Variants in ADAMTS3 observed in about 807,000 individuals in gnomAD.
The protein encoded by ADAMTS3 is A disintegrin and metalloproteinase with thrombospondin motifs 3.
A neutral mutation model predicts 129.0 loss-of-function variants in ADAMTS3; 73 were observed. That is an observed-to-expected ratio of 0.57 (90% CI 0.47 to 0.69). The LOEUF is 0.69. Among genes scored for constraint, ADAMTS3 ranks in the 30% least tolerant of loss-of-function variants. ADAMTS3 has a pLI of 0.00. For synonymous variants in ADAMTS3, 477 were observed against 510.8 expected, an observed-to-expected ratio of 0.93 and a Z score of 0.89; for missense variants, 1,457 against 1,514.5, an observed-to-expected ratio of 0.96 and a Z score of 0.63.
chr4:72,538,069 GAC>G (rs1721225989), intron 3 of ADAMTS3, among the ~76,000 whole-genome samples: 1 of 152,222 alleles, frequency 6.6e-6, no homozygotes, highest in South Asian at 2.1e-4. Context: ...TTGAAGGGAG[GAC>G]CACGGAAATA....
At chr4:72,493,464 A>C (rs1719797159) in intron 3 of ADAMTS3, among the ~76,000 whole-genome samples, 1 of 151,978 alleles carries the variant, frequency 6.6e-6, no homozygotes, top group Admixed American at 6.6e-5. Context: ...TAAGTTGATA[A>C]CAACTTAACT....
intron 3 of ADAMTS3, among the ~76,000 whole-genome samples, chr4:72,482,966 A>G (rs914790839): frequency 2.6e-5 from 4 of 152,202 alleles, no homozygotes; most frequent in African/African-American, 9.6e-5. Context: ...ATAAAAGAGA[A>G]TAACTATCAG....
intron 3 of ADAMTS3, among the ~76,000 whole-genome samples, chr4:72,487,004 A>G (rs1487054775): frequency 6.6e-6 from 1 of 152,150 alleles, no homozygotes; most frequent in Non-Finnish European, 1.5e-5. Context: ...TTTAAGGATG[A>G]TCACCTCTCC....
At chr4:72,393,215 C>T (rs1308983410) in intron 4 of ADAMTS3, among the ~76,000 whole-genome samples, 2 of 152,060 alleles carry the variant, frequency 1.3e-5, no homozygotes, top group African/African-American at 4.8e-5. Context: ...TGAGCCACCG[C>T]GCCTGGCCTC....
At chr4:72,319,520 C>T (rs779363499) in intron 8 of ADAMTS3, 45 bp from the exon 9 acceptor site, 5 of 1,560,030 alleles carry the variant, frequency 3.2e-6, no homozygotes, top group East Asian at 2.3e-5. Context: ...GGGGCTACTG[C>T]CTTCACTTAA....
chr4:72,425,314 T>C (rs961875793), intron 3 of ADAMTS3, among the ~76,000 whole-genome samples: 1 of 152,088 alleles, frequency 6.6e-6, no homozygotes, highest in Admixed American at 6.6e-5. Context: ...ATATAAAACA[T>C]TTATTTTTAA....
intron 17 of ADAMTS3, 107 bp from the exon 18 acceptor site, chr4:72,298,549 C>A: frequency 3.8e-6 from 3 of 784,398 alleles, no homozygotes; most frequent in Non-Finnish European, 5.8e-6. Flanking sequence ...TGAAAACTTT[C>A]AAATAGTTTC....
At chr4:72,359,917 T>C (rs1451705721) in intron 4 of ADAMTS3, among the ~76,000 whole-genome samples, 1 of 152,064 alleles carries the variant, frequency 6.6e-6, no homozygotes, top group East Asian at 1.9e-4. Context: ...AGAATTAATT[T>C]GTATATAAGT....
intron 2 of ADAMTS3, among the ~76,000 whole-genome samples, chr4:72,559,296 A>G (rs1182707078): frequency 6.6e-6 from 1 of 151,826 alleles, no homozygotes; most frequent in Non-Finnish European, 1.5e-5. Context: ...TTCCAACAAA[A>G]TAAGGTGTAA....
intron 3 of ADAMTS3, among the ~76,000 whole-genome samples, chr4:72,468,417 A>C (rs1718976622): frequency 6.6e-6 from 1 of 152,112 alleles, no homozygotes; most frequent in Admixed American, 6.6e-5. Context: ...TGCAAACATT[A>C]TGCAATTATT....
chr4:72,530,048 T>A lies in ADAMTS3; in HGVS notation c.504+18430A>T, dbSNP rs372514321. 5.5e-3 allele frequency among the ~76,000 whole-genome samples: 40 copies of A among 7,266 alleles called. 14 individuals are homozygous for A. The highest frequency in any genetic ancestry group is 6.7e-3 in the African/African-American group (6 of 896). The allele number at this position is 7,266 out of a possible 152,430, so 4.8% of individuals were successfully genotyped here. ...TATATATAAATATAATATATTATAT[T>A]TATATATAATATGTTATATATAACA... On this transcript the variant is annotated intron_variant, in intron 3 of 21. Coordinates refer to ENST00000286657, the MANE Select transcript of ADAMTS3 (RefSeq NM_014243.3).
At chr4:72,361,908 T>C (rs1368875583) in intron 4 of ADAMTS3, among the ~76,000 whole-genome samples, 1 of 152,110 alleles carries the variant, frequency 6.6e-6, no homozygotes, top group Non-Finnish European at 1.5e-5. Flanking sequence ...TTAAAATTTC[T>C]CCTGAGCTTC....
intron 3 of ADAMTS3, among the ~76,000 whole-genome samples, chr4:72,426,400 G>T (rs768368932): frequency 6.6e-6 from 1 of 151,910 alleles, no homozygotes; most frequent in Non-Finnish European, 1.5e-5. Context: ...CAGACATGAA[G>T]TCCTTGAATC....
intron 3 of ADAMTS3, among the ~76,000 whole-genome samples, chr4:72,502,256 T>G (rs1720046132): frequency 6.6e-6 from 1 of 152,128 alleles, no homozygotes; most frequent in African/African-American, 2.4e-5. Flanking sequence ...GGCTTCTTTT[T>G]GGTGGTAAGT....
chr4:72,433,932 T>C lies in ADAMTS3; in HGVS notation c.505-18961A>G, dbSNP rs1282695345. On this transcript the variant is annotated intron_variant, in intron 3 of 21. Coordinates refer to ENST00000286657, the MANE Select transcript of ADAMTS3 (RefSeq NM_014243.3). Reference sequence around the variant, plus strand: ...CAAAGTATATATTTTATAGAATAGCTGCCCTCTCTTACAATCAAGTACATC... The same window carrying C: ...CAAAGTATATATTTTATAGAATAGCCGCCCTCTCTTACAATCAAGTACATC... Among the ~76,000 whole-genome samples the C allele has an allele frequency of 2.0e-5, 3 of 152,016 alleles. No individual in the cohort carries two copies. The East Asian group carries it at 5.9e-4, about 30-fold the overall frequency.
intron 3 of ADAMTS3, among the ~76,000 whole-genome samples, chr4:72,512,884 C>A (rs1720353655): frequency 6.6e-6 from 1 of 152,160 alleles, no homozygotes; most frequent in Admixed American, 6.5e-5. Flanking sequence ...CTCCTGCTCT[C>A]CAAAAAGTGG....
rs1374736771 is a variant in ADAMTS3 at position 72,281,279 on chromosome 4, G to A, written c.*1857C>T. On this transcript the variant is annotated 3_prime_UTR_variant, in exon 22 of 22. Coordinates refer to ENST00000286657, the MANE Select transcript of ADAMTS3 (RefSeq NM_014243.3). ...GAATTTGCCTAATTTGACCTTCAAAGTTCTTGCACAAAGTAGCAGCAATTC... is the reference window on the plus strand; with the variant it reads ...GAATTTGCCTAATTTGACCTTCAAAATTCTTGCACAAAGTAGCAGCAATTC... The A allele has an allele frequency of 6.6e-6, 1 of 152,540 alleles. No homozygotes were observed. The highest frequency in any genetic ancestry group is 1.5e-5 in the Non-Finnish European group (1 of 68,018). 9.4% of individuals were successfully genotyped at this position (152,540 alleles called of 1,614,324 possible). A position where few individuals can be genotyped will look rare whatever the true frequency, so the allele number is the denominator to read the frequency against.
At chr4:72,520,601 T>G (rs1720639904) in intron 3 of ADAMTS3, among the ~76,000 whole-genome samples, 1 of 152,138 alleles carries the variant, frequency 6.6e-6, no homozygotes, top group African/African-American at 2.4e-5. Context: ...CAGACTGCCG[T>G]GCTAGCAATC....
chr4:72,480,225 G>T (rs951912852), intron 3 of ADAMTS3, among the ~76,000 whole-genome samples: 3 of 152,022 alleles, frequency 2.0e-5, no homozygotes, highest in African/African-American at 4.8e-5. Flanking sequence ...AAATCATGCT[G>T]CTATAAAGAC....
Sources: gnomAD v4.1 joint callset for allele counts (sites outside exome capture counted in the v4.1 genomes callset) on GRCh38, gnomAD v4.1.1 for gene constraint, MANE v1.5 for transcripts, NCBI Gene and HGNC (gene_info 2026-07-23, HGNC 2026-07-21) for gene names.